The following IMMP2L variants were observed in gnomAD, a reference collection of about 807,000 sequenced individuals.
IMMP2L encodes mitochondrial inner membrane protease subunit 2.
Under a neutral mutation model 19.3 loss-of-function variants are expected in IMMP2L, and 18 were observed. The ratio of observed to expected loss-of-function variants is 0.93; its 90% CI spans 0.64 to 1.38. The LOEUF is 1.38. Among genes scored for constraint, IMMP2L ranks in the 40% most tolerant of loss-of-function variants. The pLI, the probability that IMMP2L is intolerant of heterozygous loss-of-function variation, is 0.00. For missense variants in IMMP2L, 233 were observed against 218.2 expected (o/e 1.07, Z -0.43); for synonymous variants, 76 against 73.0 (o/e 1.04, Z -0.21).
intron 3 of IMMP2L, among the ~76,000 whole-genome samples, chr7:110,998,090 AC>A (rs1472491321): frequency 6.6e-6 from 1 of 152,126 alleles, no homozygotes; most frequent in African/African-American, 2.4e-5. Flanking sequence ...TATATCTCAT[AC>A]CCAAACTATC....
intron 5 of IMMP2L, among the ~76,000 whole-genome samples, chr7:110,825,492 T>C (rs1803396561): frequency 6.6e-6 from 1 of 152,032 alleles, no homozygotes; most frequent in Non-Finnish European, 1.5e-5. Context: ...AACAGAGATA[T>C]AGATCAGTGG....
At chr7:111,441,779 T>C (rs945145203) in intron 3 of IMMP2L, among the ~76,000 whole-genome samples, 1 of 150,900 alleles carries the variant, frequency 6.6e-6, no homozygotes, top group Non-Finnish European at 1.5e-5. Context: ...GAAACACAAT[T>C]TTTTAAAAAA....
chr7:110,981,226 T>C (rs1821261774), intron 3 of IMMP2L, among the ~76,000 whole-genome samples: 1 of 152,130 alleles, frequency 6.6e-6, no homozygotes, highest in African/African-American at 2.4e-5. Flanking sequence ...AACTGCTTTT[T>C]CTTTTTTTCT....
intron 3 of IMMP2L, chr7:111,483,312 AGTGCAACTT>A (rs1177477000): frequency 6.6e-6 from 1 of 152,164 alleles, no homozygotes; most frequent in African/African-American, 2.4e-5. Context: ...ATTGTGAAAT[AGTGCAACTT>A]ATGTTAAGCC....
intron 3 of IMMP2L, among the ~76,000 whole-genome samples, chr7:111,465,695 G>A (rs1331339879): frequency 6.6e-6 from 1 of 151,910 alleles, no homozygotes. Flanking sequence ...GAGAGGATGT[G>A]GAGAAATAGG....
chr7:111,151,309 C>T (rs1804046498), intron 3 of IMMP2L, among the ~76,000 whole-genome samples: 1 of 152,104 alleles, frequency 6.6e-6, no homozygotes, highest in South Asian at 2.1e-4. Context: ...GATCTAACAA[C>T]CAGCTTACGT....
chr7:111,353,679 G>T (rs955705351), intron 3 of IMMP2L, among the ~76,000 whole-genome samples: 1 of 152,180 alleles, frequency 6.6e-6, no homozygotes, highest in Non-Finnish European at 1.5e-5. Flanking sequence ...CCAGTTCAGT[G>T]GGAAAAGGGC....
chr7:111,474,725 T>C (rs762575838), intron 3 of IMMP2L, among the ~76,000 whole-genome samples: 79 of 152,136 alleles, frequency 5.2e-4, no homozygotes, highest in Non-Finnish European at 8.8e-4. Flanking sequence ...ATCCATTCTG[T>C]TAATACATTC....
intron 5 of IMMP2L, among the ~76,000 whole-genome samples, chr7:110,743,954 G>A (rs1797156539): frequency 6.6e-6 from 1 of 152,158 alleles, no homozygotes; most frequent in Admixed American, 6.5e-5. Flanking sequence ...AGGGAGCCAA[G>A]TAGTCTGGTT....
intron 3 of IMMP2L, among the ~76,000 whole-genome samples, chr7:111,022,695 C>T (rs1826410897): frequency 6.6e-6 from 1 of 152,146 alleles, no homozygotes; most frequent in African/African-American, 2.4e-5. Context: ...GATCTATATC[C>T]TATAGCTTCA....
intron 3 of IMMP2L, among the ~76,000 whole-genome samples, chr7:111,380,760 G>A (rs895332509): frequency 1.3e-5 from 2 of 151,892 alleles, no homozygotes; most frequent in Admixed American, 6.6e-5. Flanking sequence ...TCTAAAATTG[G>A]CCATCTGGCT....
intron 5 of IMMP2L, among the ~76,000 whole-genome samples, chr7:110,682,556 G>T (rs1425336325): frequency 1.3e-5 from 2 of 152,154 alleles, no homozygotes; most frequent in Non-Finnish European, 2.9e-5. Flanking sequence ...GCTGAGAAAA[G>T]AACAAGGTGA....
chr7:111,420,649 A>G (rs1835417417), intron 3 of IMMP2L, among the ~76,000 whole-genome samples: 1 of 150,052 alleles, frequency 6.7e-6, no homozygotes, highest in African/African-American at 2.5e-5. Context: ...GAGTGAGAAC[A>G]TGCGGTGTCT....
At chr7:111,514,357 C>T (rs1306568555) in intron 2 of IMMP2L, among the ~76,000 whole-genome samples, 1 of 150,908 alleles carries the variant, frequency 6.6e-6, no homozygotes, top group Non-Finnish European at 1.5e-5. Flanking sequence ...CATCGCACAC[C>T]GGGGCCTGTG....
intron 5 of IMMP2L, among the ~76,000 whole-genome samples, chr7:110,680,941 G>T (rs1369772636): frequency 6.6e-6 from 1 of 152,058 alleles, no homozygotes; most frequent in African/African-American, 2.4e-5. Context: ...TGGCATAGGG[G>T]TGTGCTGTGT....
intron 3 of IMMP2L, among the ~76,000 whole-genome samples, chr7:111,078,609 A>G (rs1795612667): frequency 6.6e-6 from 1 of 152,184 alleles, no homozygotes; most frequent in Admixed American, 6.5e-5. Flanking sequence ...ACCAAAGTAT[A>G]CCAAAGTGGT....
At chr7:110,721,574 CA>C (rs959135163) in intron 5 of IMMP2L, among the ~76,000 whole-genome samples, 3 of 151,804 alleles carry the variant, frequency 2.0e-5, no homozygotes, top group Non-Finnish European at 2.9e-5. Flanking sequence ...AACACACAAA[CA>C]AAAAAACACA....
intron 3 of IMMP2L, among the ~76,000 whole-genome samples, chr7:111,180,003 T>C (rs1562893095): frequency 6.6e-6 from 1 of 152,038 alleles, no homozygotes; most frequent in Non-Finnish European, 1.5e-5. Context: ...TTGCTGTGGA[T>C]TAGGATTTGG....
chr7:110,855,063 A>G (rs1806621486), intron 5 of IMMP2L, among the ~76,000 whole-genome samples: 1 of 151,976 alleles, frequency 6.6e-6, no homozygotes, highest in South Asian at 2.1e-4. Context: ...AAGAAAACAC[A>G]CCAAGATAAC....
Sources: allele counts gnomAD v4.1 joint callset (sites outside exome capture counted in the v4.1 genomes callset), GRCh38; gene constraint gnomAD v4.1.1; transcripts MANE v1.5; gene names NCBI Gene and HGNC (gene_info 2026-07-23, HGNC 2026-07-21).